CADPS: variants seen among roughly 807,000 people sequenced by gnomAD.
The protein encoded by CADPS is calcium dependent secretion activator, also known as calcium-dependent secretion activator 1.
Under a neutral mutation model 167.3 loss-of-function variants are expected in CADPS, and 57 were observed. The ratio of observed to expected loss-of-function variants is 0.34; its 90% CI spans 0.28 to 0.42. The LOEUF is 0.42. CADPS is among the 20% of genes least tolerant of loss of function. CADPS has a pLI of 1.00. For synonymous variants in CADPS, 676 were observed against 635.3 expected (o/e 1.06, Z -0.96); for missense variants, 1,414 against 1,738.1 (o/e 0.81, Z 3.32).
intron 1 of CADPS, among the ~76,000 whole-genome samples, chr3:62,782,297 A>G (rs1241008026): frequency 6.6e-6 from 1 of 152,230 alleles, no homozygotes; most frequent in African/African-American, 2.4e-5. Flanking sequence ...CCATCCAGCC[A>G]GCCAGCCAGC....
At chr3:62,495,501 T>C (rs1340827413) in intron 18 of CADPS, among the ~76,000 whole-genome samples, 1 of 152,226 alleles carries the variant, frequency 6.6e-6, no homozygotes, top group East Asian at 1.9e-4. Context: ...TAAAGTCTTA[T>C]AAACCTTTTC....
At chr3:62,466,291 A>G (rs1238543468) in intron 25 of CADPS, 48 bp downstream of exon 25, 1 of 1,278,240 alleles carries the variant, frequency 7.8e-7, no homozygotes, top group East Asian at 2.3e-5. Context: ...TGGAGACATA[A>G]CAAAGCAGTG....
At chr3:62,835,827 A>G (rs1015746200) in intron 1 of CADPS, among the ~76,000 whole-genome samples, 3 of 152,224 alleles carry the variant, frequency 2.0e-5, no homozygotes, top group African/African-American at 7.2e-5. Flanking sequence ...ATTGAAAGAG[A>G]AAACAGAAAC....
chr3:62,720,853 T>G (rs1581113387), intron 3 of CADPS, among the ~76,000 whole-genome samples: 1 of 150,644 alleles, frequency 6.6e-6, no homozygotes, highest in East Asian at 2.0e-4. Flanking sequence ...AGTCTCGCTC[T>G]GTCACCCAGA....
chr3:62,583,936 T>C (rs1246637024), intron 8 of CADPS, among the ~76,000 whole-genome samples: 1 of 152,032 alleles, frequency 6.6e-6, no homozygotes, highest in Non-Finnish European at 1.5e-5. Flanking sequence ...TAGACCTGTC[T>C]TAATCACGGC....
chr3:62,842,686 G>C (rs2076811535), intron 1 of CADPS, among the ~76,000 whole-genome samples: 1 of 152,140 alleles, frequency 6.6e-6, no homozygotes, highest in African/African-American at 2.4e-5. Context: ...GAGGCAGAGA[G>C]GAAGTTTTAT....
intron 1 of CADPS, among the ~76,000 whole-genome samples, chr3:62,770,068 T>C (rs537977455): frequency 1.3e-5 from 2 of 152,306 alleles, no homozygotes; most frequent in East Asian, 1.9e-4. Flanking sequence ...CTTTACTTAC[T>C]CTGGTCTCCA....
chr3:62,522,586 T>A (rs2070957947), intron 13 of CADPS, among the ~76,000 whole-genome samples: 1 of 152,092 alleles, frequency 6.6e-6, no homozygotes, highest in South Asian at 2.1e-4. Context: ...CCTAATAAAC[T>A]CTCCTTTGCT....
chr3:62,793,623 A>T (rs1176515821), intron 1 of CADPS, among the ~76,000 whole-genome samples: 3 of 152,154 alleles, frequency 2.0e-5, no homozygotes, highest in African/African-American at 7.2e-5. Context: ...TCTCATATTG[A>T]TTAGGGATGG....
At chr3:62,834,708 GTAT>G (rs1431852142) in intron 1 of CADPS, among the ~76,000 whole-genome samples, 2 of 152,132 alleles carry the variant, frequency 1.3e-5, no homozygotes, top group East Asian at 3.9e-4. Context: ...AGTAGTATAA[GTAT>G]TATTATCATT....
chr3:62,570,973 T>A, intron 8 of CADPS, 35 bp from the exon 9 acceptor site: 1 of 1,299,352 alleles, frequency 7.7e-7, no homozygotes, highest in South Asian at 1.2e-5. Context: ...GCTGCATTAA[T>A]GCTTGAGTGA....
chr3:62,818,093 T>C (rs543911797), intron 1 of CADPS, among the ~76,000 whole-genome samples: 19 of 152,288 alleles, frequency 1.2e-4, no homozygotes, highest in Non-Finnish European at 2.5e-4. Context: ...AGAAACCACC[T>C]ACTGAGAATT....
intron 7 of CADPS, among the ~76,000 whole-genome samples, chr3:62,587,453 G>A (rs1202205259): frequency 6.6e-6 from 1 of 152,186 alleles, no homozygotes; most frequent in African/African-American, 2.4e-5. Flanking sequence ...TTTCAGTGAA[G>A]CTGACCCTCC....
At chr3:62,436,329 C>G (rs1560354666) in intron 28 of CADPS, among the ~76,000 whole-genome samples, 1 of 152,086 alleles carries the variant, frequency 6.6e-6, no homozygotes, top group Non-Finnish European at 1.5e-5. Context: ...CACACACACA[C>G]GTACACACGG....
chr3:62,527,798 G>C (rs1170652764), intron 13 of CADPS, among the ~76,000 whole-genome samples: 2 of 152,072 alleles, frequency 1.3e-5, no homozygotes, highest in African/African-American at 4.8e-5. Flanking sequence ...CTGGTTGTGA[G>C]ATCTCAGTGG....
chr3:62,516,115 A>G lies in CADPS; in HGVS notation c.2525T>C (p.Leu842Pro). ...ATAGTTGACTAACGCAGCCTGTTCC[A>G]GACATTTACGGATAACTGTTTTTAC... ...EEVKTVIRKC[L>P]EQAALVNYSR... The change falls in exon 16 of 30, where the codon CTG becomes CCG. Residue 842 changes from leucine (L) to proline (P), a missense_variant. Coordinates refer to ENST00000383710, the MANE Select transcript of CADPS (RefSeq NM_003716.4). 1 of 1,613,446 alleles carries G rather than the reference A, an allele frequency of 6.2e-7. No individual in the cohort carries two copies. The highest frequency in any genetic ancestry group is 8.5e-7 in the Non-Finnish European group (1 of 1,179,490).
chr3:62,851,149 A>G (rs1435826614), intron 1 of CADPS, among the ~76,000 whole-genome samples: 2 of 131,410 alleles, frequency 1.5e-5, no homozygotes, highest in Admixed American at 8.0e-5. Flanking sequence ...CCATCCTTTT[A>G]TTTTGAGCCT....
chr3:62,763,396 G>T (rs1268579881), intron 2 of CADPS, among the ~76,000 whole-genome samples: 1 of 152,226 alleles, frequency 6.6e-6, no homozygotes, highest in Non-Finnish European at 1.5e-5. Flanking sequence ...GTGGGGGGAA[G>T]ATACCCATCC....
chr3:62,594,431 G>A (rs1182289274), intron 6 of CADPS, among the ~76,000 whole-genome samples: 4 of 152,106 alleles, frequency 2.6e-5, no homozygotes, highest in Non-Finnish European at 4.4e-5. Flanking sequence ...AAAGTGCTGG[G>A]ATTACAGGCG....
Sources: allele counts gnomAD v4.1 joint callset (sites outside exome capture counted in the v4.1 genomes callset), GRCh38; gene constraint gnomAD v4.1.1; transcripts MANE v1.5; gene names NCBI Gene and HGNC (gene_info 2026-07-23, HGNC 2026-07-21).